Variants in USP34 observed in about 807,000 individuals in gnomAD.
USP34 encodes the protein ubiquitin carboxyl-terminal hydrolase 34.
Under a neutral mutation model 460.3 loss-of-function variants are expected in USP34, and 70 were observed. That is an observed-to-expected ratio of 0.15 (90% CI 0.13 to 0.19). The LOEUF (loss-of-function observed/expected upper bound fraction) is 0.19. Among genes scored for constraint, USP34 ranks in the 10% least tolerant of loss-of-function variants. The pLI is 1.00. For synonymous variants in USP34, 1,647 were observed against 1,405.3 expected, an observed-to-expected ratio of 1.17 and a Z score of -3.85; for missense variants, 3,985 against 4,236.2, an observed-to-expected ratio of 0.94 and a Z score of 1.65.
At chr2:61,334,895 T>A (rs544389809) in intron 18 of USP34, among the ~76,000 whole-genome samples, 1 of 152,324 alleles carries the variant, frequency 6.6e-6, no homozygotes, top group South Asian at 2.1e-4. Context: ...ACATTATACA[T>A]GGCTAAAGAT....
At position 61,257,065 on chromosome 2, in the gene USP34, T is replaced by C; in HGVS notation, c.6035A>G (p.Asn2012Ser). The part of the protein sequence containing the change: ...KSLFGGVITN[N>S]VVSLDCEHVS... ...TATAATACTTACCAAGGATACAACA[T>C]TGTTTGTAATTACACCTCCAAATAA... Residue 2012 changes from asparagine (N) to serine (S), a missense_variant, in exon 46 of 80, where the codon AAT (asparagine) becomes AGT (serine). Asn to Ser is a conservative substitution (Grantham distance 46). Coordinates refer to ENST00000398571, the MANE Select transcript of USP34 (RefSeq NM_014709.4). 6.3e-7 allele frequency: 1 copy of C among 1,576,768 alleles called. No homozygotes were observed. The highest frequency in any genetic ancestry group is 8.6e-7 in the Non-Finnish European group (1 of 1,165,068).
intron 1 of USP34, among the ~76,000 whole-genome samples, chr2:61,467,114 C>A (rs1235617551): frequency 6.6e-6 from 1 of 151,710 alleles, no homozygotes; most frequent in Non-Finnish European, 1.5e-5. Flanking sequence ...ACCAGCCTGG[C>A]CAATATGGTG....
At chr2:61,324,647 T>A (rs1303790789) in intron 21 of USP34, among the ~76,000 whole-genome samples, 2 of 151,930 alleles carry the variant, frequency 1.3e-5, no homozygotes, top group Middle Eastern at 3.2e-3. Context: ...TGGTGGTGCA[T>A]AGTCCCACGT....
At chr2:61,213,396 AAAGACCGTCTATAAAGGACGG>A (rs1045887267) in intron 68 of USP34, among the ~76,000 whole-genome samples, 3 of 152,196 alleles carry the variant, frequency 2.0e-5, no homozygotes, top group Non-Finnish European at 2.9e-5. Context: ...CTAGAAAAAA[AAAGACCGTCTATAAAGGACGG>A]TCTGTCTTTA....
chr2:61,280,559 T>C (rs929931245), intron 38 of USP34, among the ~76,000 whole-genome samples: 2 of 152,082 alleles, frequency 1.3e-5, no homozygotes, highest in Non-Finnish European at 2.9e-5. Context: ...AGGAAAATAT[T>C]AGTCTCAAAT....
chr2:61,338,460 G>A (rs1691493517), intron 18 of USP34, among the ~76,000 whole-genome samples: 1 of 152,058 alleles, frequency 6.6e-6, no homozygotes, highest in African/African-American at 2.4e-5. Flanking sequence ...ACCAAAAAAA[G>A]AAAATAAAAT....
chr2:61,279,353 T>C (rs754084975), intron 39 of USP34, among the ~76,000 whole-genome samples: 5 of 152,218 alleles, frequency 3.3e-5, no homozygotes, highest in African/African-American at 1.2e-4. Context: ...TCAAAGGATC[T>C]TCTTTATGTG....
At chr2:61,356,475 G>GCGCA (rs369666693) in intron 10 of USP34, among the ~76,000 whole-genome samples, 53 of 128,426 alleles carry the variant, frequency 4.1e-4, no homozygotes, top group African/African-American at 1.1e-3. Flanking sequence ...GGGTGAAAGC[G>GCGCA]CACACACACA....
intron 59 of USP34, 59 bp downstream of exon 59, chr2:61,229,475 ACAAAAAAAAAAAAC>A (rs1392244953): frequency 0.02 from 13,561 of 673,374 alleles, 203 homozygotes; most frequent in South Asian, 0.044. Context: ...AAAAAAAAAA[ACAAAAAAAAAAAAC>A]AAAAACACCA....
At chr2:61,362,734 TAAC>T (rs1201146457) in intron 10 of USP34, among the ~76,000 whole-genome samples, 1 of 152,218 alleles carries the variant, frequency 6.6e-6, no homozygotes, top group Admixed American at 6.5e-5. Flanking sequence ...TGACTACAGT[TAAC>T]AATACTGTAT....
chr2:61,288,863 A>C lies in USP34; in HGVS notation c.4563T>G (p.Cys1521Trp), dbSNP rs776281926. Residue 1521 changes from cysteine to tryptophan, a missense_variant, in exon 34 of 80, where the codon TGT (cysteine) becomes TGG (tryptophan). This residue lies in a region of USP34 where 1,114 missense variants were observed against 1,122.5 expected (regional missense o/e 0.99). Transcript: ENST00000398571. Reference protein sequence around the residue: ...QESWTVWQLDCLACLLKLICQ... With the variant: ...QESWTVWQLDWLACLLKLICQ... ...ATATTAACTTCAGCAAGCAAGCAAG[A>C]CAGTCTAGCTGCCACTGTAAATGAG... 6 of 1,612,836 alleles carry C rather than the reference A, an allele frequency of 3.7e-6. No individual in the cohort carries two copies. Among genetic ancestry groups the C allele is most frequent in the South Asian group, 1.1e-5 (1 of 91,088 alleles).
At chr2:61,460,845 T>C (rs971663813) in intron 1 of USP34, among the ~76,000 whole-genome samples, 3 of 151,664 alleles carry the variant, frequency 2.0e-5, no homozygotes, top group African/African-American at 7.3e-5. Context: ...TAGCTGGGCA[T>C]AGTGACGCAC....
intron 70 of USP34, chr2:61,207,979 G>C (rs538045601): frequency 6.6e-6 from 1 of 152,054 alleles, no homozygotes; most frequent in Non-Finnish European, 1.5e-5. Flanking sequence ...CAGACTAAAG[G>C]GCTCACGTAC....
chr2:61,242,174 G>C (rs1176047893), intron 51 of USP34, among the ~76,000 whole-genome samples: 1 of 152,042 alleles, frequency 6.6e-6, no homozygotes, highest in African/African-American at 2.4e-5. Context: ...AATAAAAACT[G>C]AATTTAAATA....
At chr2:61,278,836 TTTA>T (rs1487269309) in intron 39 of USP34, among the ~76,000 whole-genome samples, 2 of 152,180 alleles carry the variant, frequency 1.3e-5, no homozygotes, top group Non-Finnish European at 2.9e-5. Context: ...TTTTAATGAC[TTTA>T]TTGAGATGTA....
At chr2:61,226,972 T>A (rs1173832431) in intron 62 of USP34, 95 bp downstream of exon 62, 1 of 1,353,260 alleles carries the variant, frequency 7.4e-7, no homozygotes, top group African/African-American at 1.5e-5. Flanking sequence ...TAAACATATA[T>A]AATAAAAAGC....
intron 29 of USP34, among the ~76,000 whole-genome samples, chr2:61,297,776 C>CA (rs1690073077): frequency 6.6e-6 from 1 of 152,026 alleles, no homozygotes; most frequent in South Asian, 2.1e-4. Context: ...GAGTTTCGCT[C>CA]TTGTAGCCCA....
At chr2:61,416,031 T>A (rs1460533544) in intron 2 of USP34, among the ~76,000 whole-genome samples, 3 of 152,198 alleles carry the variant, frequency 2.0e-5, no homozygotes, top group African/African-American at 7.2e-5. Flanking sequence ...AATATTCCAG[T>A]GGGTCCAATA....
intron 43 of USP34, 124 bp downstream of exon 43, chr2:61,265,273 A>T: frequency 4.8e-6 from 5 of 1,042,450 alleles, no homozygotes; most frequent in Non-Finnish European, 6.9e-6. Flanking sequence ...TAGTTACTGT[A>T]ATCAAATTTA....
Sources: gnomAD v4.1 joint callset for allele counts (sites outside exome capture counted in the v4.1 genomes callset) on GRCh38, gnomAD v4.1.1 for gene constraint, gnomAD v4.1.1 regional missense constraint, MANE v1.5 for transcripts, NCBI Gene and HGNC (gene_info 2026-07-23, HGNC 2026-07-21) for gene names.